The following CCDC33 variants were observed in gnomAD, a reference collection of about 807,000 sequenced individuals.
CCDC33 encodes the protein coiled-coil domain-containing protein 33.
In CCDC33, 94 loss-of-function variants were observed where a neutral mutation model predicts 91.9. The observed-to-expected ratio is 1.02, with a 90% CI of 0.87 to 1.21. The LOEUF is 1.21. CCDC33 is among the 50% of genes most tolerant of loss of function. CCDC33 has a pLI of 0.00. For missense variants in CCDC33, 940 were observed against 935.5 expected (o/e 1.00, Z -0.06); for synonymous variants, 396 against 374.5 (o/e 1.06, Z -0.66).
chr15:74,312,764 G>A (rs970309116), intron 11 of CCDC33, among the ~76,000 whole-genome samples: 7 of 152,120 alleles, frequency 4.6e-5, no homozygotes, highest in African/African-American at 1.7e-4. Flanking sequence ...TCCTCAGGGT[G>A]GGACACTGTC....
Position 74,244,917 on chromosome 15 carries a change from C to T in CCDC33, c.185+769C>T, listed in dbSNP as rs1595929418. Reference sequence around the variant, plus strand: ...CTTGGTGGCCTCCCACCAAGCCACCCTATACTTCCCCTCCCCCACCAATAC... The same window carrying T: ...CTTGGTGGCCTCCCACCAAGCCACCTTATACTTCCCCTCCCCCACCAATAC... On this transcript the variant is annotated intron_variant, in intron 2 of 18. Coordinates refer to ENST00000398814, the MANE Select transcript of CCDC33 (RefSeq NM_025055.5). This position sits in a 1 kb window ranked among gnomAD's most constrained non-coding sequence, Gnocchi z 4.2. Among the ~76,000 whole-genome samples the T allele has an allele frequency of 6.6e-6, 1 of 152,310 alleles. No homozygotes were observed. Among genetic ancestry groups the T allele is most frequent in the Admixed American group, 6.5e-5 (1 of 15,306 alleles).
chr15:74,332,272 G>A (rs1162100045), intron 15 of CCDC33, among the ~76,000 whole-genome samples: 1 of 152,142 alleles, frequency 6.6e-6, no homozygotes, highest in Non-Finnish European at 1.5e-5. Flanking sequence ...GGTGTTTCTA[G>A]GAGCCTTTAG....
In CCDC33 at chr15:74,287,087, A is replaced by G. The variant is rs148610972; in HGVS notation, c.1095+5238A>G. The stretch of plus-strand genomic sequence containing the variant: ...TCATGCTGGCTTTTGAAGAATTTTT[A>G]TGGATTTTTTGTAAGCCACACCTGA... On this transcript the variant is annotated intron_variant, in intron 10 of 18. Transcript: ENST00000398814. Among the ~76,000 whole-genome samples the G allele has an allele frequency of 5.4e-3, 821 of 152,270 alleles. 7 individuals carry two copies. The Middle Eastern group carries it at 0.058, about 11-fold the overall frequency.
chr15:74,224,976 C>G (rs1266588333), intron 2 of CCDC33, among the ~76,000 whole-genome samples: 1 of 152,120 alleles, frequency 6.6e-6, no homozygotes. Flanking sequence ...GAAGGCCAGC[C>G]CAGCCTGGGT....
chr15:74,230,464 A>G (rs2074935461), intron 2 of CCDC33, among the ~76,000 whole-genome samples: 1 of 152,178 alleles, frequency 6.6e-6, no homozygotes, highest in Non-Finnish European at 1.5e-5. Flanking sequence ...AAAATGCCCA[A>G]AAGCAACGTT....
chr15:74,331,348 G>A, intron 15 of CCDC33, 52 bp downstream of exon 15: 2 of 1,578,294 alleles, frequency 1.3e-6, no homozygotes, highest in East Asian at 2.3e-5. Flanking sequence ...TCCACCCCTG[G>A]AGGCCCTGCC....
At chr15:74,255,548 C>A (rs1156799578) in intron 2 of CCDC33, among the ~76,000 whole-genome samples, 1 of 152,276 alleles carries the variant, frequency 6.6e-6, no homozygotes, top group Non-Finnish European at 1.5e-5. Flanking sequence ...CTCCTGTCGA[C>A]TTCCCAGCGG....
chr15:74,230,610 G>A (rs973194683), intron 2 of CCDC33, among the ~76,000 whole-genome samples: 5 of 152,194 alleles, frequency 3.3e-5, no homozygotes, highest in African/African-American at 4.8e-5. Context: ...AATGGAAGCC[G>A]CGTTGTCCAA....
upstream of CCDC33, among the ~76,000 whole-genome samples, chr15:74,235,429 A>G (rs2075120497): frequency 6.6e-6 from 1 of 152,188 alleles, no homozygotes; most frequent in South Asian, 2.1e-4. Context: ...CTCTTCGGCC[A>G]GATTAAAAGA....
chr15:74,312,726 G>C (rs1023623340), intron 11 of CCDC33, among the ~76,000 whole-genome samples: 2 of 152,198 alleles, frequency 1.3e-5, no homozygotes, highest in African/African-American at 4.8e-5. Context: ...TTCCTGGGCA[G>C]GCTCACATCT....
At chr15:74,274,421 A>G (rs2076399380) in intron 7 of CCDC33, among the ~76,000 whole-genome samples, 1 of 152,144 alleles carries the variant, frequency 6.6e-6, no homozygotes, top group Non-Finnish European at 1.5e-5. Context: ...GGTCCCTCCT[A>G]TTGTCTGCCC....
chr15:74,206,916 C>G (rs1440350619), intron 1 of CCDC33, among the ~76,000 whole-genome samples: 1 of 152,188 alleles, frequency 6.6e-6, no homozygotes, highest in Non-Finnish European at 1.5e-5. Flanking sequence ...GCAGGTCTCC[C>G]AACTGGGCAC....
At chr15:74,280,598 T>C in intron 8 of CCDC33, 70 bp from the exon 9 acceptor site, 1 of 1,413,460 alleles carries the variant, frequency 7.1e-7, no homozygotes, top group Non-Finnish European at 9.3e-7. Context: ...GAGGACTGGA[T>C]GTCAGGTATT....
chr15:74,229,353 C>T (rs147864865), intron 2 of CCDC33, among the ~76,000 whole-genome samples: 4,644 of 152,166 alleles, frequency 0.031, 104 homozygotes, highest in Non-Finnish European at 0.049. Context: ...ATTAGCCAGG[C>T]GTAATGGCAG....
rs1595910459 is a variant in CCDC33, at chr15:74,236,692, A to G, written c.-28A>G. ...GTACTCATCCCCAAGATTGTTAAAC[A>G]AGGCCAGACACTCCTGGCCTCAAGA... is the stretch of plus-strand genomic sequence containing the variant. On this transcript the variant is annotated 5_prime_UTR_variant, in exon 1 of 19. Coordinates refer to ENST00000398814, the MANE Select transcript of CCDC33 (RefSeq NM_025055.5). The G allele has an allele frequency of 1.2e-6, 2 of 1,612,024 alleles. No homozygotes were observed. Among genetic ancestry groups the G allele is most frequent in the Non-Finnish European group, 1.7e-6 (2 of 1,178,506 alleles).
At chr15:74,223,603 C>T (rs906551082) in intron 2 of CCDC33, among the ~76,000 whole-genome samples, 2 of 152,024 alleles carry the variant, frequency 1.3e-5, no homozygotes, top group African/African-American at 4.8e-5. Context: ...GCCACCAGTG[C>T]CCCTCTACAG....
At chr15:74,328,915 C>G (rs186345815) in intron 11 of CCDC33, among the ~76,000 whole-genome samples, 12 of 152,188 alleles carry the variant, frequency 7.9e-5, no homozygotes, top group Admixed American at 1.3e-4. Flanking sequence ...GCTCAGCAAA[C>G]GCAGGAGCAA....
chr15:74,319,641 G>A (rs1190479632), intron 11 of CCDC33: 1 of 152,320 alleles, frequency 6.6e-6, no homozygotes, highest in Non-Finnish European at 1.5e-5. Flanking sequence ...TCCTGGAGGA[G>A]GAGGGCCCAG....
chr15:74,316,446 G>A lies in CCDC33; in HGVS notation c.1291-13743G>A, dbSNP rs534295606. ...TTGATGAAAAATTCATGGCACGCCC[G>A]AGGATGGGAGCAGACTCAATCGATT... On this transcript the variant is annotated intron_variant, in intron 11 of 18. Coordinates refer to ENST00000398814, the MANE Select transcript of CCDC33 (RefSeq NM_025055.5). The surrounding 1 kb of genome is among the most constrained non-coding windows in gnomAD (Gnocchi z 4.7). Among the ~76,000 whole-genome samples the A allele has an allele frequency of 9.9e-5, 15 of 152,228 alleles. No individual in the cohort carries two copies. Among genetic ancestry groups the A allele is most frequent in the Non-Finnish European group, 1.8e-4 (12 of 68,030 alleles).
Sources: gnomAD v4.1 joint callset for allele counts (sites outside exome capture counted in the v4.1 genomes callset) on GRCh38, gnomAD v4.1.1 for gene constraint, Gnocchi (gnomAD v3.1) non-coding constraint, MANE v1.5 for transcripts, NCBI Gene and HGNC (gene_info 2026-07-23, HGNC 2026-07-21) for gene names.